The following ZBTB44 variants were observed in gnomAD, a reference collection of about 807,000 sequenced individuals.
The protein encoded by ZBTB44 is zinc finger and BTB domain-containing protein 44.
A neutral mutation model predicts 54.0 loss-of-function variants in ZBTB44; 15 were observed. The observed-to-expected ratio is 0.28, with a 90% CI of 0.19 to 0.43. The LOEUF is 0.43. Among genes scored for constraint, ZBTB44 ranks in the 20% least tolerant of loss-of-function variants. The probability of loss-of-function intolerance (pLI) is 1.00; values close to 1 mark genes in which losing one functional copy is unlikely to be tolerated. For synonymous variants in ZBTB44, 230 were observed against 250.1 expected, an observed-to-expected ratio of 0.92 and a Z score of 0.76; for missense variants, 487 against 707.1, an observed-to-expected ratio of 0.69 and a Z score of 3.53.
chr11:130,251,043 C>T (rs1219733412), intron 2 of ZBTB44, among the ~76,000 whole-genome samples: 2 of 152,262 alleles, frequency 1.3e-5, no homozygotes, highest in East Asian at 3.9e-4. Context: ...AGCTAAGAAC[C>T]TTGACAAAAG....
intron 1 of ZBTB44, among the ~76,000 whole-genome samples, chr11:130,297,984 CAG>C (rs1397218566): frequency 1.3e-5 from 2 of 152,064 alleles, no homozygotes; most frequent in Non-Finnish European, 2.9e-5. Flanking sequence ...ATCATGCAAA[CAG>C]TACGTACAAG....
intron 1 of ZBTB44, among the ~76,000 whole-genome samples, chr11:130,295,138 G>T (rs569347099): frequency 6.6e-6 from 1 of 152,038 alleles, no homozygotes; most frequent in Non-Finnish European, 1.5e-5. Flanking sequence ...CTCAAACTGC[G>T]GCACCAGAAC....
intron 1 of ZBTB44, among the ~76,000 whole-genome samples, chr11:130,277,831 A>G (rs1478278033): frequency 1.3e-5 from 2 of 152,134 alleles, no homozygotes; most frequent in African/African-American, 4.8e-5. Context: ...TATCTAGGAC[A>G]GTCTTTATTT....
chr11:130,296,490 C>T (rs574765481), intron 1 of ZBTB44: 17 of 997,916 alleles, frequency 1.7e-5, no homozygotes, highest in East Asian at 2.4e-5. Flanking sequence ...ACATTGTGTA[C>T]GGATGTGGTG....
chr11:130,287,331 A>G (rs544562880), intron 1 of ZBTB44, among the ~76,000 whole-genome samples: 1 of 152,318 alleles, frequency 6.6e-6, no homozygotes, highest in Non-Finnish European at 1.5e-5. Flanking sequence ...AATCAAAGTC[A>G]TTTCTCAGAG....
intron 1 of ZBTB44, among the ~76,000 whole-genome samples, chr11:130,274,789 C>T: frequency 6.6e-6 from 1 of 152,096 alleles, no homozygotes; most frequent in East Asian, 1.9e-4. Flanking sequence ...TTTTCACATC[C>T]ATTATTCATA....
intron 2 of ZBTB44, among the ~76,000 whole-genome samples, chr11:130,257,083 C>A (rs937984130): frequency 6.6e-6 from 1 of 151,752 alleles, no homozygotes; most frequent in Admixed American, 6.6e-5. Flanking sequence ...TCTCGGGATA[C>A]AAAATCAATG....
intron 2 of ZBTB44, among the ~76,000 whole-genome samples, chr11:130,246,331 C>T (rs1202241651): frequency 6.6e-6 from 1 of 151,988 alleles, no homozygotes; most frequent in Non-Finnish European, 1.5e-5. Flanking sequence ...TATTACTTTC[C>T]TGAGGTGACA....
intron 1 of ZBTB44, among the ~76,000 whole-genome samples, chr11:130,287,742 G>C (rs1017431664): frequency 6.6e-6 from 1 of 152,098 alleles, no homozygotes; most frequent in South Asian, 2.1e-4. Flanking sequence ...TATGTGGTTA[G>C]AGTGGGATTA....
At chr11:130,301,778 G>A (rs1344527250) in intron 1 of ZBTB44, among the ~76,000 whole-genome samples, 1 of 152,200 alleles carries the variant, frequency 6.6e-6, no homozygotes, top group African/African-American at 2.4e-5. Context: ...GCAAGGTGCA[G>A]TGGCTCATGC....
intron 5 of ZBTB44, among the ~76,000 whole-genome samples, chr11:130,235,897 G>T (rs1031079476): frequency 2.0e-5 from 3 of 151,620 alleles, no homozygotes; most frequent in East Asian, 1.9e-4. Flanking sequence ...AGCTACTCAG[G>T]AGGCTGAGGT....
At chr11:130,275,533 T>C (rs760006471) in intron 1 of ZBTB44, among the ~76,000 whole-genome samples, 3 of 152,146 alleles carry the variant, frequency 2.0e-5, no homozygotes, top group Non-Finnish European at 4.4e-5. Context: ...CTGTTGGTTA[T>C]TTAGGAATGC....
chr11:130,311,052 G>C (rs1165150764), intron 1 of ZBTB44, among the ~76,000 whole-genome samples: 1 of 152,076 alleles, frequency 6.6e-6, no homozygotes, highest in African/African-American at 2.4e-5. Flanking sequence ...AGTGACTTTT[G>C]AACACAGTAC....
At chr11:130,245,461 C>T (rs766209490) in intron 2 of ZBTB44, among the ~76,000 whole-genome samples, 3 of 152,196 alleles carry the variant, frequency 2.0e-5, no homozygotes, top group Admixed American at 1.3e-4. Context: ...CAGTATTTAG[C>T]GTTGGTCCCA....
chr11:130,276,442 C>T (rs7131463), intron 1 of ZBTB44, among the ~76,000 whole-genome samples: 7,251 of 138,246 alleles, frequency 0.052, 498 homozygotes, highest in African/African-American at 0.16. Context: ...TTTTTTTTTT[C>T]TTTTTTTTTT....
In ZBTB44 at chr11:130,264,612, ATATACT is replaced by A. The variant is rs570401335; in HGVS notation, c.-56-2689_-56-2684del. ...GTTCACATATATGGTACGAAGTCTG[ATATACT>A]TAGAAGTATGGGATGAGAAGAAGGT... is the stretch of plus-strand genomic sequence containing the variant. On this transcript the variant is annotated intron_variant, in intron 1 of 7. Coordinates refer to ENST00000357899, the MANE Select transcript of ZBTB44 (RefSeq NM_001301098.2). 1.1e-3 allele frequency among the ~76,000 whole-genome samples: 165 copies of A among 152,320 alleles called. 1 individual carries two copies. Among genetic ancestry groups the A allele is most frequent in the African/African-American group, 3.9e-3 (163 of 41,570 alleles).
chr11:130,282,925 A>T (rs532597301), intron 1 of ZBTB44, among the ~76,000 whole-genome samples: 1 of 151,702 alleles, frequency 6.6e-6, no homozygotes, highest in Admixed American at 6.6e-5. Flanking sequence ...CAATCCTCCC[A>T]TATCAGTCTC....
At chr11:130,256,535 G>A (rs1039483842) in intron 2 of ZBTB44, among the ~76,000 whole-genome samples, 3 of 152,096 alleles carry the variant, frequency 2.0e-5, no homozygotes, top group African/African-American at 7.3e-5. Flanking sequence ...AATTAGCTGG[G>A]TGTGGTGGCA....
At position 130,261,278 on chromosome 11, in the gene ZBTB44, C is replaced by T; in HGVS notation, c.596G>A (p.Gly199Asp). 6.2e-7 allele frequency: 1 copy of T among 1,613,762 alleles called. No individual in the cohort carries two copies. The highest frequency in any genetic ancestry group is 8.5e-7 in the Non-Finnish European group (1 of 1,179,886). ...VMSPESPVKC[G>D]TQTSSPQVLN... ...TACCTGGGGTGAGCTTGTTTGTGTG[C>T]CACACTTTACAGGACTTTCAGGAGA... Residue 199 changes from glycine to aspartate, a missense_variant, in exon 2 of 8, where the codon GGC (glycine) becomes GAC (aspartate). Coordinates refer to ENST00000357899, the MANE Select transcript of ZBTB44 (RefSeq NM_001301098.2). This position sits in a 1 kb window ranked among gnomAD's most constrained non-coding sequence, Gnocchi z 4.8.
Sources: gnomAD v4.1 joint callset for allele counts (sites outside exome capture counted in the v4.1 genomes callset) on GRCh38, gnomAD v4.1.1 for gene constraint, Gnocchi (gnomAD v3.1) non-coding constraint, MANE v1.5 for transcripts, NCBI Gene and HGNC (gene_info 2026-07-23, HGNC 2026-07-21) for gene names.